ZFTRAF1: variants seen among roughly 807,000 people sequenced by gnomAD.
The protein encoded by ZFTRAF1 is zinc finger TRAF-type and ring finger containing 1, also known as zinc finger TRAF-type-containing protein 1.
chr8:144,450,398 A>G, the ZFTRAF1 span: 1 of 716,230 alleles, frequency 1.4e-6, no homozygotes, highest in Admixed American at 2.0e-5. Flanking sequence ...TATCTGGAAC[A>G]GGAAGAGCCG....
At chr8:144,458,513 T>C in the ZFTRAF1 span, among the ~76,000 whole-genome samples, 2 of 152,146 alleles carry the variant, frequency 1.3e-5, no homozygotes, top group African/African-American at 4.8e-5. Flanking sequence ...CTTGGACATG[T>C]GGATGGTGAC....
chr8:144,456,983 T>C, the ZFTRAF1 span: 1 of 128,918 alleles, frequency 7.8e-6, no homozygotes, highest in Non-Finnish European at 1.6e-5. Flanking sequence ...GTATTGACAT[T>C]ACAGGGGATG....
the ZFTRAF1 span, chr8:144,453,721 C>T: frequency 1.3e-3 from 574 of 428,926 alleles, 2 homozygotes; most frequent in African/African-American, 0.01. Context: ...GGTGACAGCT[C>T]GCCCTGGCAG....
At chr8:144,457,590 CT>C in the ZFTRAF1 span, 1 of 152,248 alleles carries the variant, frequency 6.6e-6, no homozygotes, top group Admixed American at 6.5e-5. Flanking sequence ...GCCCTCCCCC[CT>C]GCTGGCTACA....
chr8:144,458,741 G>A, the ZFTRAF1 span, among the ~76,000 whole-genome samples: 1 of 152,212 alleles, frequency 6.6e-6, no homozygotes, highest in Admixed American at 6.5e-5. Flanking sequence ...GATCCTTGTA[G>A]CAAGGAGAGA....
At chr8:144,451,970 A>C in the ZFTRAF1 span, 1 of 306,340 alleles carries the variant, frequency 3.3e-6, no homozygotes. Flanking sequence ...TTCTTGCCCC[A>C]GGGTCCGAGG....
the ZFTRAF1 span, chr8:144,462,253 G>C: frequency 1.9e-6 from 1 of 535,858 alleles, no homozygotes; most frequent in Non-Finnish European, 3.3e-6. Context: ...CCCCGGGCTG[G>C]GCCGGGTCGG....
At chr8:144,450,278 A>G in the ZFTRAF1 span, 1 of 637,098 alleles carries the variant, frequency 1.6e-6, no homozygotes, top group Non-Finnish European at 2.9e-6. Flanking sequence ...TCCTTTGCTA[A>G]AGTGATCAGA....
chr8:144,452,506 C>T, the ZFTRAF1 span: 30 of 1,544,124 alleles, frequency 1.9e-5, no homozygotes, highest in African/African-American at 2.7e-5. Context: ...GCCTCGTGCA[C>T]CGTCAGCTCA....
At chr8:144,460,523 G>A in the ZFTRAF1 span, among the ~76,000 whole-genome samples, 9 of 152,372 alleles carry the variant, frequency 5.9e-5, no homozygotes, top group East Asian at 1.7e-3. Context: ...GAGACAAGGA[G>A]ACTTCCCTGT....
At chr8:144,459,312 C>T in the ZFTRAF1 span, among the ~76,000 whole-genome samples, 3 of 152,252 alleles carry the variant, frequency 2.0e-5, no homozygotes, top group African/African-American at 7.2e-5. Flanking sequence ...GCCCCACCAG[C>T]CCTCCTGCCA....
chr8:144,455,563 G>GC, the ZFTRAF1 span: 3 of 141,300 alleles, frequency 2.1e-5, no homozygotes, highest in East Asian at 4.1e-4. Flanking sequence ...ACAGCCCCCC[G>GC]CCCCCCGGAG....
chr8:144,460,261 C>T, the ZFTRAF1 span, among the ~76,000 whole-genome samples: 1 of 152,268 alleles, frequency 6.6e-6, no homozygotes, highest in East Asian at 1.9e-4. Flanking sequence ...GCAGCCCCAG[C>T]GCCTTCGGTC....
chr8:144,460,226 A>G, the ZFTRAF1 span, among the ~76,000 whole-genome samples: 1 of 152,158 alleles, frequency 6.6e-6, no homozygotes, highest in African/African-American at 2.4e-5. Context: ...CAGAGCCCCC[A>G]GGCCAGGGAG....
At chr8:144,457,852 C>G in the ZFTRAF1 span, 1 of 152,296 alleles carries the variant, frequency 6.6e-6, no homozygotes, top group African/African-American at 2.4e-5. Context: ...TGGAGGATGG[C>G]ACAGTGCCCA....
At chr8:144,461,518 G>A in the ZFTRAF1 span, among the ~76,000 whole-genome samples, 1 of 151,238 alleles carries the variant, frequency 6.6e-6, no homozygotes, top group African/African-American at 2.5e-5. Flanking sequence ...TGTGAAGATG[G>A]GGGAGGAGGG....
At chr8:144,450,888 G>A in the ZFTRAF1 span, 515 of 601,392 alleles carry the variant, frequency 8.6e-4, 1 homozygote, top group Non-Finnish European at 1.2e-3. Flanking sequence ...CAACTTACCC[G>A]GACACCGGGC....
chr8:144,457,356 GTA>G, the ZFTRAF1 span: 1 of 152,162 alleles, frequency 6.6e-6, no homozygotes, highest in African/African-American at 2.4e-5. Flanking sequence ...CAGGTGATGA[GTA>G]TAGGACCAGC....
chr8:144,457,817 A>G, the ZFTRAF1 span: 2 of 152,088 alleles, frequency 1.3e-5, no homozygotes, highest in African/African-American at 4.8e-5. Context: ...GTTCTCTCAG[A>G]CCCTGGGGAC....
Sources: gnomAD v4.1 joint callset for allele counts (sites outside exome capture counted in the v4.1 genomes callset) on GRCh38, gnomAD v4.1.1 for gene constraint, MANE v1.5 for transcripts, NCBI Gene and HGNC (gene_info 2026-07-23, HGNC 2026-07-21) for gene names.